Variants in DPP6 observed in about 807,000 individuals in gnomAD.
DPP6 encodes the protein A-type potassium channel modulatory protein DPP6.
DPP6 carries 69 observed loss-of-function variants against 122.6 expected under a neutral mutation model. That is an observed-to-expected ratio of 0.56 (90% CI 0.46 to 0.69). The LOEUF (loss-of-function observed/expected upper bound fraction) is 0.69, where lower values mean the gene tolerates loss of function less well. Ranked by LOEUF, DPP6 falls within the 30% of genes least tolerant of loss-of-function variation. The pLI is 0.00. For missense variants in DPP6, 928 were observed against 1,116.9 expected (o/e 0.83, Z 2.41); for synonymous variants, 418 against 433.1 (o/e 0.97, Z 0.43).
chr7:154,278,906 A>G (rs879098910), intron 1 of DPP6, among the ~76,000 whole-genome samples: 5 of 149,828 alleles, frequency 3.3e-5, no homozygotes, highest in Admixed American at 2.7e-4. Flanking sequence ...TGTGTGTGCA[A>G]TTGCATGTGT....
intron 7 of DPP6, among the ~76,000 whole-genome samples, chr7:154,680,679 T>C (rs1839221299): frequency 2.2e-5 from 1 of 45,934 alleles, no homozygotes; most frequent in Non-Finnish European, 5.6e-5. Context: ...AGCAACATTA[T>C]ATATATATTT....
chr7:154,440,038 G>A (rs894885329), intron 1 of DPP6, among the ~76,000 whole-genome samples: 2 of 152,190 alleles, frequency 1.3e-5, no homozygotes, highest in Non-Finnish European at 2.9e-5. Flanking sequence ...GTGTCTGGAT[G>A]TACCGGAAAC....
intron 1 of DPP6, among the ~76,000 whole-genome samples, chr7:154,027,957 C>T (rs1314757809): frequency 6.6e-6 from 1 of 150,748 alleles, no homozygotes; most frequent in Non-Finnish European, 1.5e-5. Context: ...GCCTGCCAGC[C>T]TCAGTTTATT....
intron 1 of DPP6, among the ~76,000 whole-genome samples, chr7:153,999,178 G>A (rs1182261001): frequency 1.3e-5 from 2 of 152,180 alleles, no homozygotes; most frequent in East Asian, 3.9e-4. Flanking sequence ...CTGTGATGTG[G>A]GACAATCTTC....
At chr7:154,414,792 G>A (rs1329839134) in intron 1 of DPP6, among the ~76,000 whole-genome samples, 1 of 152,136 alleles carries the variant, frequency 6.6e-6, no homozygotes, top group African/African-American at 2.4e-5. Flanking sequence ...GTTAGTGCTG[G>A]CCCCACACAG....
intron 1 of DPP6, among the ~76,000 whole-genome samples, chr7:154,198,287 A>T (rs947184158): frequency 6.7e-6 from 1 of 150,302 alleles, no homozygotes; most frequent in Non-Finnish European, 1.5e-5. Context: ...AGGGGCCCTC[A>T]GTGTAATTTT....
At chr7:154,386,139 AC>A (rs1814087815) in intron 1 of DPP6, among the ~76,000 whole-genome samples, 1 of 152,134 alleles carries the variant, frequency 6.6e-6, no homozygotes. Flanking sequence ...AAAGTGACAA[AC>A]AGGATCACAT....
chr7:154,777,060 A>C (rs1384991923), intron 10 of DPP6, among the ~76,000 whole-genome samples: 1 of 152,244 alleles, frequency 6.6e-6, no homozygotes, highest in Non-Finnish European at 1.5e-5. Context: ...GATGGTTCTC[A>C]GATGCAGGGA....
intron 1 of DPP6, among the ~76,000 whole-genome samples, chr7:154,230,816 G>A (rs939130736): frequency 6.6e-6 from 1 of 152,220 alleles, no homozygotes; most frequent in Admixed American, 6.5e-5. Context: ...GCCGGATACT[G>A]TTCTAACCTA....
chr7:154,858,743 G>A (rs909067624), intron 17 of DPP6, among the ~76,000 whole-genome samples: 2 of 152,176 alleles, frequency 1.3e-5, no homozygotes, highest in Non-Finnish European at 2.9e-5. Flanking sequence ...TGTGCAGGCT[G>A]GGGTCATACT....
intron 5 of DPP6, among the ~76,000 whole-genome samples, chr7:154,579,673 C>T (rs577867431): frequency 6.6e-6 from 1 of 152,164 alleles, no homozygotes; most frequent in African/African-American, 2.4e-5. Context: ...TTCTGCCCCC[C>T]ATGGGGGGGC....
At chr7:154,730,510 C>A (rs1842285735) in intron 8 of DPP6, among the ~76,000 whole-genome samples, 1 of 151,902 alleles carries the variant, frequency 6.6e-6, no homozygotes, top group African/African-American at 2.4e-5. Flanking sequence ...TTTCTTATCA[C>A]AATAAAAATA....
intron 1 of DPP6, among the ~76,000 whole-genome samples, chr7:154,269,823 A>G (rs1332745676): frequency 6.6e-6 from 1 of 152,164 alleles, no homozygotes; most frequent in East Asian, 1.9e-4. Context: ...CAAATTTGGA[A>G]ATCTACATTG....
chr7:153,826,375 A>G, the DPP6 span, among the ~76,000 whole-genome samples: 2 of 152,218 alleles, frequency 1.3e-5, no homozygotes, highest in Non-Finnish European at 2.9e-5. Context: ...TTTTCTAGAT[A>G]TAGAAAACTA....
intron 1 of DPP6, among the ~76,000 whole-genome samples, chr7:153,932,690 G>C (rs1801228657): frequency 6.6e-6 from 1 of 152,148 alleles, no homozygotes; most frequent in African/African-American, 2.4e-5. Context: ...AAGATAATCT[G>C]TTCCACAGAA....
chr7:154,734,804 C>T (rs1220284316), intron 8 of DPP6, among the ~76,000 whole-genome samples: 2 of 152,180 alleles, frequency 1.3e-5, no homozygotes, highest in Non-Finnish European at 2.9e-5. Flanking sequence ...TATTTGACCT[C>T]TTTGTGTCTC....
In DPP6 at chr7:154,889,545, T is replaced by C; in HGVS notation, c.2451+15T>C. ...ACAGCTTACAGGTACAGTACGCATGTTACTCTGTTTTGAACCTGGAGCAAG... is the reference window on the plus strand; with the variant it reads ...ACAGCTTACAGGTACAGTACGCATGCTACTCTGTTTTGAACCTGGAGCAAG... On this transcript the variant is annotated intron_variant, in intron 25 of 25. Transcript: ENST00000377770. The C allele has an allele frequency of 6.3e-7, 1 of 1,598,898 alleles. No homozygotes were observed. Among genetic ancestry groups the C allele is most frequent in the East Asian group, 2.3e-5 (1 of 44,368 alleles).
At chr7:154,432,981 GC>G (rs941124819) in intron 1 of DPP6, among the ~76,000 whole-genome samples, 1 of 152,088 alleles carries the variant, frequency 6.6e-6, no homozygotes, top group Non-Finnish European at 1.5e-5. Flanking sequence ...TCTATGATGT[GC>G]TAATGGACAG....
intron 1 of DPP6, among the ~76,000 whole-genome samples, chr7:154,089,841 C>T (rs2150546968): frequency 6.6e-6 from 1 of 152,166 alleles, no homozygotes; most frequent in South Asian, 2.1e-4. Context: ...TAGCAGATTT[C>T]ACTAGCACAA....
Sources: gnomAD v4.1 joint callset for allele counts (sites outside exome capture counted in the v4.1 genomes callset) on GRCh38, gnomAD v4.1.1 for gene constraint, MANE v1.5 for transcripts, NCBI Gene and HGNC (gene_info 2026-07-23, HGNC 2026-07-21) for gene names.